ZNF282: variants seen among roughly 807,000 people sequenced by gnomAD.
The protein encoded by ZNF282 is HTLV-I U5 repressive element-binding protein 1.
Under a neutral mutation model 61.9 loss-of-function variants are expected in ZNF282, and 30 were observed. That is an observed-to-expected ratio of 0.48 (90% CI 0.36 to 0.66). ZNF282 has a LOEUF of 0.66. Among genes scored for constraint, ZNF282 ranks in the 30% least tolerant of loss-of-function variants. ZNF282 has a pLI of 0.00. For synonymous variants in ZNF282, 396 were observed against 405.0 expected, an observed-to-expected ratio of 0.98 and a Z score of 0.27; for missense variants, 788 against 941.4, an observed-to-expected ratio of 0.84 and a Z score of 2.13.
At position 149,206,684 on chromosome 7, in the gene ZNF282, T is replaced by G; in HGVS notation, c.586-12T>G. ...AGGCAGGAGGCGCTAGATTAACCGC[T>G]TGTTGGCTTAGGTTCCAGTGACTTT... On this transcript the variant is annotated splice_polypyrimidine_tract_variant and intron_variant, in intron 2 of 7. Transcript: ENST00000610704. 1 of 1,614,086 alleles carries G rather than the reference T, an allele frequency of 6.2e-7. No individual in the cohort carries two copies. Among genetic ancestry groups the G allele is most frequent in the South Asian group, 1.1e-5 (1 of 91,080 alleles).
chr7:149,224,160 T>G lies in ZNF282; in HGVS notation c.1529T>G (p.Leu510Arg). The part of the protein sequence containing the change: ...CPGGLRRSLL[L>R]HGARSKPYSC... Reference sequence around the variant, plus strand: ...GGCGGGCTGCGGCGGAGCCTCCTCCTGCACGGCGCCCGCAGCAAGCCCTAC... The same window carrying G: ...GGCGGGCTGCGGCGGAGCCTCCTCCGGCACGGCGCCCGCAGCAAGCCCTAC... The change falls in exon 8 of 8, where the codon CTG becomes CGG. Residue 510 changes from leucine to arginine, a missense_variant. By Grantham distance (102) the Leu-to-Arg change is moderately radical (BLOSUM62 -2). Around this residue, in one of 3 missense-constraint regions of ZNF282, gnomAD observed 559 missense variants for 642.0 expected, o/e 0.87. Coordinates refer to ENST00000610704, the MANE Select transcript of ZNF282 (RefSeq NM_003575.4). 1.3e-6 allele frequency: 2 copies of G among 1,570,774 alleles called. No individual in the cohort carries two copies.
At chr7:149,222,994 G>A (rs763573159) in intron 7 of ZNF282, among the ~76,000 whole-genome samples, 6 of 149,772 alleles carry the variant, frequency 4.0e-5, no homozygotes, top group East Asian at 2.0e-4. Flanking sequence ...ACAGAGTTTC[G>A]CTCTTGTTGC....
At chr7:149,197,286 TG>T (rs1795833046) in intron 1 of ZNF282, among the ~76,000 whole-genome samples, 1 of 152,234 alleles carries the variant, frequency 6.6e-6, no homozygotes, top group South Asian at 2.1e-4. Context: ...TTGGTCCTCT[TG>T]GGTGTGAGGG....
rs1209196639 is a variant in ZNF282 at position 149,195,876 on chromosome 7, A to G, written c.165+122A>G. ...CGGCGCCCTCCCAGCTTCCGCGCCCAGGCGAGGCCCGAGGCGGGCGGGGCA... is the reference window on the plus strand; with the variant it reads ...CGGCGCCCTCCCAGCTTCCGCGCCCGGGCGAGGCCCGAGGCGGGCGGGGCA... On this transcript the variant is annotated intron_variant, in intron 1 of 7. Coordinates refer to ENST00000610704, the MANE Select transcript of ZNF282 (RefSeq NM_003575.4). 5.4e-6 allele frequency: 5 copies of G among 926,232 alleles called. No homozygotes were observed. The African/African-American group carries it at 8.9e-5, about 17-fold the overall frequency. The allele number at this position is 926,232 out of a possible 1,614,324, so 57.4% of individuals were successfully genotyped here.
At chr7:149,196,163 C>T (rs1282628423) in intron 1 of ZNF282, among the ~76,000 whole-genome samples, 2 of 152,150 alleles carry the variant, frequency 1.3e-5, no homozygotes, top group Non-Finnish European at 2.9e-5. Context: ...ATGCCTCGTT[C>T]GTGTTTACAC....
rs1795847789 is a variant in ZNF282, at chr7:149,198,149, T to C, written c.166-184T>C. On this transcript the variant is annotated intron_variant, in intron 1 of 7. Transcript: ENST00000610704. The surrounding 1 kb of genome is among the most constrained non-coding windows in gnomAD (Gnocchi z 4.3). ...CACCTAGGCAGGAGATGGGAGAGTG[T>C]TGAGTTGGGTGGGTGGGTGAGTGGG... Among the ~76,000 whole-genome samples, 1 of 151,910 alleles carries C rather than the reference T, an allele frequency of 6.6e-6. No individual in the cohort carries two copies. The highest frequency in any genetic ancestry group is 1.5e-5 in the Non-Finnish European group (1 of 67,978).
At chr7:149,213,672 C>CT in intron 6 of ZNF282, 29 bp from the exon 7 acceptor site, 1 of 1,573,772 alleles carries the variant, frequency 6.4e-7, no homozygotes, top group Non-Finnish European at 8.7e-7. Flanking sequence ...TGAACAAAAT[C>CT]TAAGACTGCC....
chr7:149,198,960 C>G lies in ZNF282; in HGVS notation c.585+208C>G, dbSNP rs1194065963. On this transcript the variant is annotated intron_variant, in intron 2 of 7. Coordinates refer to ENST00000610704, the MANE Select transcript of ZNF282 (RefSeq NM_003575.4). This position sits in a 1 kb window ranked among gnomAD's most constrained non-coding sequence, Gnocchi z 4.3. ...GCTCACTCCATTCATTCCCCACAGTCTGCATTTCTGTCTGGGAGCCTTTGC... is the reference window on the plus strand; with the variant it reads ...GCTCACTCCATTCATTCCCCACAGTGTGCATTTCTGTCTGGGAGCCTTTGC... 6.6e-6 allele frequency among the ~76,000 whole-genome samples: 1 copy of G among 152,248 alleles called. No individual in the cohort carries two copies. Among genetic ancestry groups the G allele is most frequent in the African/African-American group, 2.4e-5 (1 of 41,464 alleles).
chr7:149,206,850 G>A, intron 3 of ZNF282, 28 bp downstream of exon 3: 1 of 1,613,166 alleles, frequency 6.2e-7, no homozygotes, highest in Non-Finnish European at 8.5e-7. Flanking sequence ...CCTCTTTGGT[G>A]AGCCATCTCT....
At chr7:149,222,443 A>G (rs1029629444) in intron 7 of ZNF282, among the ~76,000 whole-genome samples, 3 of 152,124 alleles carry the variant, frequency 2.0e-5, no homozygotes, top group Non-Finnish European at 2.9e-5. Context: ...GATGGTTTTC[A>G]CCTTGGATAA....
At position 149,224,666 on chromosome 7, in the gene ZNF282, C is replaced by A; in HGVS notation, c.*19C>A. ...AGACTAGGGCTGGGCTGGGGGAGGG[C>A]AGGGCCGGACGGAGTGGATCGGGGG... On this transcript the variant is annotated 3_prime_UTR_variant, in exon 8 of 8. Transcript: ENST00000610704. 1 of 1,481,068 alleles carries A rather than the reference C, an allele frequency of 6.8e-7. No homozygotes were observed. The highest frequency in any genetic ancestry group is 8.9e-7 in the Non-Finnish European group (1 of 1,119,630). 91.7% of individuals were successfully genotyped at this position (1,481,068 alleles called of 1,614,324 possible). A position where few individuals can be genotyped will look rare whatever the true frequency, so the allele number is the denominator to read the frequency against.
intron 3 of ZNF282, 109 bp downstream of exon 3, chr7:149,206,931 A>C: frequency 1.4e-6 from 2 of 1,440,600 alleles, no homozygotes; most frequent in Non-Finnish European, 1.9e-6. Context: ...ATTTTTATGT[A>C]ATGGAAACTC....
At chr7:149,199,920 TACC>T (rs1443357411) in intron 2 of ZNF282, among the ~76,000 whole-genome samples, 1 of 152,192 alleles carries the variant, frequency 6.6e-6, no homozygotes, top group Admixed American at 6.5e-5. Flanking sequence ...TCAATGTTAT[TACC>T]ACCACCACCA....
chr7:149,207,330 C>T, intron 3 of ZNF282, 21 bp from the exon 4 acceptor site: 2 of 1,583,324 alleles, frequency 1.3e-6, no homozygotes, highest in Non-Finnish European at 1.7e-6. Flanking sequence ...CAGCCTTTCC[C>T]TCCCTCCTCC....
At chr7:149,207,222 A>G (rs1248478499) in intron 3 of ZNF282, 129 bp from the exon 4 acceptor site, 4 of 1,264,352 alleles carry the variant, frequency 3.2e-6, no homozygotes, top group African/African-American at 1.5e-5. Flanking sequence ...CCTAACTCGC[A>G]TAACTGCTGC....
Position 149,224,578 on chromosome 7 carries a change from G to C in ZNF282, c.1947G>C (p.Leu649=), listed in dbSNP as rs201424242. Residue 649 remains leucine (L), a synonymous_variant, in exon 8 of 8, where the codon CTG becomes CTC. Coordinates refer to ENST00000610704, the MANE Select transcript of ZNF282 (RefSeq NM_003575.4). Reference sequence around the variant, plus strand: ...ACAAGGAGTCGCTCAAGGACCACCTGCGCGTGCACAGCGGCGGCCCGGGCC... The same window carrying C: ...ACAAGGAGTCGCTCAAGGACCACCTCCGCGTGCACAGCGGCGGCCCGGGCC... ...FRYKESLKDH[L]RVHSGGPGPG... 1 of 1,598,216 alleles carries C rather than the reference G, an allele frequency of 6.3e-7. No homozygotes were observed. Among genetic ancestry groups the C allele is most frequent in the Non-Finnish European group, 8.5e-7 (1 of 1,175,556 alleles).
At chr7:149,204,626 G>A (rs1280004884) in intron 2 of ZNF282, among the ~76,000 whole-genome samples, 2 of 152,144 alleles carry the variant, frequency 1.3e-5, no homozygotes, top group Non-Finnish European at 2.9e-5. Context: ...GCTTGCCGGC[G>A]CCTACCTGAG....
In ZNF282 at chr7:149,195,770, C is replaced by G; in HGVS notation, c.165+16C>G. The G allele has an allele frequency of 1.3e-6, 2 of 1,481,924 alleles. No homozygotes were observed. The highest frequency in any genetic ancestry group is 1.3e-5 in the South Asian group (1 of 76,942). The allele number at this position is 1,481,924 out of a possible 1,614,324, so 91.8% of individuals were successfully genotyped here. On this transcript the variant is annotated intron_variant, in intron 1 of 7. Transcript: ENST00000610704. ...GCCCATGCAGGTGGGAGAACCCCGCCGGCGCCATGGCCGCGCTGCCGTGGG... is the reference window on the plus strand; with the variant it reads ...GCCCATGCAGGTGGGAGAACCCCGCGGGCGCCATGGCCGCGCTGCCGTGGG...
chr7:149,215,550 G>T (rs983988695), intron 7 of ZNF282, among the ~76,000 whole-genome samples: 1 of 152,144 alleles, frequency 6.6e-6, no homozygotes, highest in African/African-American at 2.4e-5. Context: ...GGAGGACATG[G>T]GTTGTTTCTG....
Sources: gnomAD v4.1 joint callset for allele counts (sites outside exome capture counted in the v4.1 genomes callset) on GRCh38, gnomAD v4.1.1 for gene constraint, gnomAD v4.1.1 regional missense constraint, Gnocchi (gnomAD v3.1) non-coding constraint, MANE v1.5 for transcripts, NCBI Gene and HGNC (gene_info 2026-07-23, HGNC 2026-07-21) for gene names.